Variants in VKORC1L1 observed in about 807,000 individuals in gnomAD.
VKORC1L1 encodes vitamin K epoxide reductase complex subunit 1-like protein 1.
VKORC1L1 carries 2 observed loss-of-function variants against 18.9 expected under a neutral mutation model. The ratio of observed to expected loss-of-function variants is 0.11; its 90% CI spans 0.04 to 0.33. The LOEUF (loss-of-function observed/expected upper bound fraction) is 0.33. VKORC1L1 is among the 10% of genes least tolerant of loss of function. The probability of loss-of-function intolerance (pLI) is 1.00; values close to 1 mark genes in which losing one functional copy is unlikely to be tolerated. For synonymous variants in VKORC1L1, 96 were observed against 100.0 expected (o/e 0.96, Z 0.24); for missense variants, 123 against 224.1 (o/e 0.55, Z 2.88).
rs566537178 is a variant in VKORC1L1, at chr7:65,892,562, G to C, written c.194+18997G>C. Among the ~76,000 whole-genome samples, 5 of 152,154 alleles carry C rather than the reference G, an allele frequency of 3.3e-5. No homozygotes were observed. The South Asian group carries it at 1.0e-3, about 32-fold the overall frequency. On this transcript the variant is annotated intron_variant, in intron 1 of 2. Coordinates refer to ENST00000360768, the MANE Select transcript of VKORC1L1 (RefSeq NM_173517.6). Reference sequence around the variant, plus strand: ...TTCTGCCTTTTCCTTTGTAATTGGGGGTTTTTGTATCCTGGTGTGAAGATA... The same window carrying C: ...TTCTGCCTTTTCCTTTGTAATTGGGCGTTTTTGTATCCTGGTGTGAAGATA...
At chr7:65,870,075 T>C (rs1223181323), upstream of VKORC1L1, among the ~76,000 whole-genome samples, 1 of 152,014 alleles carries the variant, frequency 6.6e-6, no homozygotes. Flanking sequence ...CTATTGTTTC[T>C]GCAAAAATAC....
At chr7:65,919,382 A>G (rs565788381) in intron 1 of VKORC1L1, among the ~76,000 whole-genome samples, 1 of 152,342 alleles carries the variant, frequency 6.6e-6, no homozygotes, top group South Asian at 2.1e-4. Context: ...TGCCTCTCTG[A>G]CATTTCCACT....
intron 1 of VKORC1L1, among the ~76,000 whole-genome samples, chr7:65,900,178 A>C (rs992822506): frequency 6.6e-6 from 1 of 151,136 alleles, no homozygotes; most frequent in Non-Finnish European, 1.5e-5. Flanking sequence ...TCACAAGGTC[A>C]GGAGATCGAG....
upstream of VKORC1L1, among the ~76,000 whole-genome samples, chr7:65,868,662 CT>C (rs758397205): frequency 1.3e-4 from 20 of 152,186 alleles, no homozygotes; most frequent in Non-Finnish European, 2.5e-4. Flanking sequence ...GAAATCGTGT[CT>C]TTTGCATCAC....
At chr7:65,951,638 C>T (rs897675376) in intron 2 of VKORC1L1, among the ~76,000 whole-genome samples, 10 of 151,888 alleles carry the variant, frequency 6.6e-5, no homozygotes, top group African/African-American at 2.2e-4. Flanking sequence ...CTATCCCACC[C>T]CTTCCCTTTA....
chr7:65,911,470 A>G (rs1446945994), intron 1 of VKORC1L1, among the ~76,000 whole-genome samples: 2 of 152,026 alleles, frequency 1.3e-5, no homozygotes, highest in East Asian at 3.9e-4. Flanking sequence ...TGCCATATAC[A>G]CCTCCCCATG....
At chr7:65,950,109 A>G (rs937273902) in intron 2 of VKORC1L1, among the ~76,000 whole-genome samples, 4 of 151,940 alleles carry the variant, frequency 2.6e-5, no homozygotes, top group African/African-American at 4.8e-5. Context: ...AATTGTAACG[A>G]TAATCTTCAC....
intron 1 of VKORC1L1, among the ~76,000 whole-genome samples, chr7:65,945,598 A>G (rs928044340): frequency 6.6e-6 from 1 of 151,488 alleles, no homozygotes; most frequent in African/African-American, 2.4e-5. Flanking sequence ...GGCGACACGA[A>G]TGAGACTCCG....
At chr7:65,893,354 C>A (rs1022795663) in intron 1 of VKORC1L1, among the ~76,000 whole-genome samples, 6 of 152,050 alleles carry the variant, frequency 3.9e-5, no homozygotes, top group Admixed American at 3.9e-4. Context: ...CCAGCCTGAG[C>A]AACATGGTGA....
chr7:65,939,398 C>A (rs1789998335), intron 1 of VKORC1L1, among the ~76,000 whole-genome samples: 1 of 152,068 alleles, frequency 6.6e-6, no homozygotes, highest in African/African-American at 2.4e-5. Context: ...TTCATGCCAA[C>A]CATGATGGTG....
At chr7:65,917,405 A>G (rs1562994745) in intron 1 of VKORC1L1, among the ~76,000 whole-genome samples, 1 of 152,080 alleles carries the variant, frequency 6.6e-6, no homozygotes, top group African/African-American at 2.4e-5. Context: ...AAGTCTCTCC[A>G]TGATTTGTCT....
intron 1 of VKORC1L1, among the ~76,000 whole-genome samples, chr7:65,947,302 T>C (rs940705023): frequency 6.6e-6 from 1 of 152,188 alleles, no homozygotes; most frequent in Non-Finnish European, 1.5e-5. Context: ...TATTAAACTA[T>C]TGTGGCCTGT....
intron 1 of VKORC1L1, among the ~76,000 whole-genome samples, chr7:65,927,922 C>T (rs1213764917): frequency 6.6e-6 from 1 of 151,990 alleles, no homozygotes; most frequent in Admixed American, 6.6e-5. Context: ...AACTGATAGG[C>T]GCCTGGCTGC....
chr7:65,909,737 T>TGTGTGTGTGTGTGTGA lies in VKORC1L1; in HGVS notation c.194+36173_194+36174insTGTGTGTGTGTGTGAG, dbSNP rs1491345250. Among the ~76,000 whole-genome samples the TGTGTGTGTGTGTGTGA allele has an allele frequency of 9.4e-4, 137 of 145,260 alleles. 1 individual carries two copies. Among genetic ancestry groups the TGTGTGTGTGTGTGTGA allele is most frequent in the East Asian group, 4.7e-3 (23 of 4,900 alleles). ...GTGTGTGTGTGTGTGTGTGTGTGTG[T>TGTGTGTGTGTGTGTGA]GACGGAGGCTTGCTCTGTCGCCCAG... On this transcript the variant is annotated intron_variant, in intron 1 of 2. Transcript: ENST00000360768.
Position 65,946,666 on chromosome 7 carries a change from T to C in VKORC1L1, c.195-2005T>C, listed in dbSNP as rs148932959. 5.9e-5 allele frequency among the ~76,000 whole-genome samples: 9 copies of C among 152,348 alleles called. No homozygotes were observed. In the East Asian group the frequency reaches 1.7e-3, roughly 29 times the overall value. ...GTAATCTGGCATTTGTTTACCTGTT[T>C]ATTATTTCTCTTCCCTAAATAGAAT... On this transcript the variant is annotated intron_variant, in intron 1 of 2. Transcript: ENST00000360768.
chr7:65,883,291 G>A (rs1052153498), intron 1 of VKORC1L1, among the ~76,000 whole-genome samples: 7 of 151,578 alleles, frequency 4.6e-5, no homozygotes, highest in African/African-American at 1.7e-4. Flanking sequence ...ACAGGCATGT[G>A]CCACCATGCC....
intron 1 of VKORC1L1, among the ~76,000 whole-genome samples, chr7:65,946,990 AAT>A (rs1554302042): frequency 1.3e-5 from 2 of 151,068 alleles, no homozygotes. Context: ...CCAAAAAAAA[AAT>A]ATATATATAT....
At chr7:65,896,951 A>C (rs1789223855) in intron 1 of VKORC1L1, among the ~76,000 whole-genome samples, 1 of 152,190 alleles carries the variant, frequency 6.6e-6, no homozygotes, top group Admixed American at 6.5e-5. Flanking sequence ...GTGAGCCGAG[A>C]TCGCACCATT....
intron 1 of VKORC1L1, among the ~76,000 whole-genome samples, chr7:65,915,178 G>A (rs1267552834): frequency 2.1e-5 from 3 of 145,280 alleles, no homozygotes; most frequent in Non-Finnish European, 4.5e-5. Context: ...TGCAAGCTCC[G>A]CCTCCTGGGT....
Sources: gnomAD v4.1 joint callset for allele counts (sites outside exome capture counted in the v4.1 genomes callset) on GRCh38, gnomAD v4.1.1 for gene constraint, MANE v1.5 for transcripts, NCBI Gene and HGNC (gene_info 2026-07-23, HGNC 2026-07-21) for gene names.